Variants in IGSF10 observed in about 807,000 individuals in gnomAD.
IGSF10 encodes calvaria mechanical force protein 608.
IGSF10 carries 126 observed loss-of-function variants against 128.2 expected under a neutral mutation model. The ratio of observed to expected loss-of-function variants is 0.98; its 90% CI spans 0.85 to 1.14. The LOEUF (loss-of-function observed/expected upper bound fraction) is 1.14, where lower values mean the gene tolerates loss of function less well. Among genes scored for constraint, IGSF10 ranks in the 50% most tolerant of loss-of-function variants. The pLI is 0.00. For synonymous variants in IGSF10, 1,185 were observed against 1,146.2 expected, an observed-to-expected ratio of 1.03 and a Z score of -0.68; for missense variants, 3,295 against 3,149.8, an observed-to-expected ratio of 1.05 and a Z score of -1.10.
At chr3:151,588,386 T>G in the IGSF10 span, among the ~76,000 whole-genome samples, 2 of 152,120 alleles carry the variant, frequency 1.3e-5, no homozygotes, top group Admixed American at 1.3e-4. Context: ...CCCCTCTAGC[T>G]GATTGTCTGC....
chr3:151,540,168 TAAAC>T, the IGSF10 span, among the ~76,000 whole-genome samples: 1 of 152,122 alleles, frequency 6.6e-6, no homozygotes, highest in African/African-American at 2.4e-5. Flanking sequence ...AAGTATGAAA[TAAAC>T]ACAGAAAAGC....
At position 151,458,545 on chromosome 3, in the gene IGSF10, G is replaced by A. The variant is rs138198267; in HGVS notation, c.165C>T (p.Ile55=). The A allele has an allele frequency of 3.5e-5, 57 of 1,613,920 alleles. No homozygotes were observed. Among genetic ancestry groups the A allele is most frequent in the Non-Finnish European group, 4.5e-5 (53 of 1,180,002 alleles). Residue 55 remains isoleucine (I), a synonymous_variant, in exon 3 of 8, where the codon ATC becomes ATT. Transcript: ENST00000282466. ...AATTGATGCGTTCCACATTGGGCGG[G>A]ATGCTGTCTGGGATGGAAGTCAGGT... is the stretch of plus-strand genomic sequence containing the variant. ...FRYLTSIPDS[I]PPNVERINLG...
the IGSF10 span, among the ~76,000 whole-genome samples, chr3:151,551,459 G>T: frequency 1.3e-5 from 2 of 150,636 alleles, no homozygotes; most frequent in Non-Finnish European, 2.9e-5. Context: ...ACGCATTTTT[G>T]ATCTGAGTTC....
chr3:151,501,863 A>C, the IGSF10 span, among the ~76,000 whole-genome samples: 1 of 152,130 alleles, frequency 6.6e-6, no homozygotes, highest in Admixed American at 6.6e-5. Context: ...TTAGTGAAAT[A>C]GCTCTTTTGT....
At chr3:151,571,376 G>A in the IGSF10 span, among the ~76,000 whole-genome samples, 1 of 152,132 alleles carries the variant, frequency 6.6e-6, no homozygotes, top group Non-Finnish European at 1.5e-5. Flanking sequence ...TCTTCCATTT[G>A]TTTGTGTCCT....
chr3:151,588,084 T>C, the IGSF10 span, among the ~76,000 whole-genome samples: 1 of 152,194 alleles, frequency 6.6e-6, no homozygotes, highest in Non-Finnish European at 1.5e-5. Context: ...ATGAAATAAA[T>C]AAATAGTCAA....
intron 4 of IGSF10, among the ~76,000 whole-genome samples, chr3:151,456,052 G>A (rs1238144224): frequency 6.6e-6 from 1 of 152,180 alleles, no homozygotes; most frequent in Non-Finnish European, 1.5e-5. Context: ...CCAACTCAAT[G>A]TTCCTCAACA....
the IGSF10 span, among the ~76,000 whole-genome samples, chr3:151,572,633 T>C: frequency 6.6e-6 from 1 of 152,160 alleles, no homozygotes; most frequent in Middle Eastern, 3.2e-3. Flanking sequence ...GTCTTGCTAG[T>C]GTACTATCTA....
At chr3:151,520,178 A>G in the IGSF10 span, among the ~76,000 whole-genome samples, 1 of 151,786 alleles carries the variant, frequency 6.6e-6, no homozygotes, top group Non-Finnish European at 1.5e-5. Context: ...TTTTATTGAT[A>G]TATTTTGTTG....
chr3:151,575,701 G>A, the IGSF10 span, among the ~76,000 whole-genome samples: 111 of 152,288 alleles, frequency 7.3e-4, no homozygotes, highest in African/African-American at 2.5e-3. Context: ...ATGCCCTACC[G>A]TGCTTCGGCT....
In IGSF10 at chr3:151,438,558, C is replaced by G; in HGVS notation, c.6003G>C (p.Leu2001=). The G allele has an allele frequency of 6.2e-7, 1 of 1,613,722 alleles. No homozygotes were observed. The highest frequency in any genetic ancestry group is 8.5e-7 in the Non-Finnish European group (1 of 1,180,006). ...CTTTTTCTGTTACTGATCCAATAAA[C>G]AGGGATCCATTAGGGTAGACGTGGA... ...SWIHVYPNGS[L]FIGSVTEKDS... is the part of the protein sequence containing the mutation. Residue 2001 remains leucine, a synonymous_variant, in exon 8 of 8, where the codon CTG becomes CTC. Transcript: ENST00000282466.
At chr3:151,571,474 T>C in the IGSF10 span, among the ~76,000 whole-genome samples, 1 of 152,178 alleles carries the variant, frequency 6.6e-6, no homozygotes, top group Non-Finnish European at 1.5e-5. Context: ...TTTATTCTCT[T>C]TGTTGCAATT....
the IGSF10 span, among the ~76,000 whole-genome samples, chr3:151,609,965 A>C: frequency 1.3e-5 from 2 of 152,196 alleles, no homozygotes; most frequent in Admixed American, 1.3e-4. Context: ...ACAAATCTCT[A>C]CATGTACCCC....
chr3:151,616,232 C>T, the IGSF10 span, among the ~76,000 whole-genome samples: 1 of 151,914 alleles, frequency 6.6e-6, no homozygotes, highest in South Asian at 2.1e-4. Flanking sequence ...CTCCCAAAGG[C>T]CTGGGATTAC....
rs765680065 is a variant in IGSF10, at chr3:151,437,728, T to TTGTC, written c.6829_6832dup (p.Asn2278ArgfsTer18). 6.2e-7 allele frequency: 1 copy of TTGTC among 1,614,130 alleles called. No individual in the cohort carries two copies. Among genetic ancestry groups the TTGTC allele is most frequent in the Non-Finnish European group, 8.5e-7 (1 of 1,180,024 alleles). On this transcript the variant is annotated frameshift_variant, in exon 8 of 8. Coordinates refer to ENST00000282466, the MANE Select transcript of IGSF10 (RefSeq NM_178822.5). LOFTEE classifies it low-confidence loss of function (END_TRUNC). ...ATAGTATGGGGCTGTGAGGAAAATA[T>TTGTC]TGTCTGGCATGATCCACATGACTTC...
rs139593877 is a variant in IGSF10 at position 151,446,225 on chromosome 3, G to C, written c.3756C>G (p.Phe1252Leu). ...LPRDKVSPFH[F>L]TTLSTSVMQI... ...GCATCACACTTGTTGAAAGTGTGGT[G>C]AAATGGAAAGGGGAGACTTTGTCTC... Residue 1252 changes from phenylalanine to leucine, a missense_variant, in exon 6 of 8, where the codon TTC becomes TTG. Physicochemically the swap from Phe to Leu is conservative, Grantham distance 22. Transcript: ENST00000282466. 1.6e-5 allele frequency: 26 copies of C among 1,613,702 alleles called. No individual in the cohort carries two copies. The African/African-American group carries it at 2.9e-4, about 18-fold the overall frequency.
chr3:151,554,498 T>C, the IGSF10 span, among the ~76,000 whole-genome samples: 1 of 147,812 alleles, frequency 6.8e-6, no homozygotes, highest in East Asian at 1.9e-4. Context: ...TTCTGTGATT[T>C]TGCCTAACTC....
the IGSF10 span, among the ~76,000 whole-genome samples, chr3:151,526,302 TTTC>T: frequency 9.2e-5 from 14 of 152,076 alleles, no homozygotes; most frequent in Non-Finnish European, 1.3e-4. Flanking sequence ...AGGCCAGACC[TTTC>T]TTCTTGTCAT....
At position 151,446,734 on chromosome 3, in the gene IGSF10, T is replaced by C. The variant is rs1342034222; in HGVS notation, c.3247A>G (p.Ser1083Gly). The C allele has an allele frequency of 6.2e-7, 1 of 1,614,146 alleles. No individual in the cohort carries two copies. The highest frequency in any genetic ancestry group is 2.2e-5 in the East Asian group (1 of 44,880). Residue 1083 changes from serine to glycine, a missense_variant, in exon 6 of 8, where the codon AGT becomes GGT. Physicochemically the swap from Ser to Gly is moderately conservative, Grantham distance 56. Coordinates refer to ENST00000282466, the MANE Select transcript of IGSF10 (RefSeq NM_178822.5). ...TTGGGGAAGGTGATGGGAGCAGCAC[T>C]TGGAAAAGACAATGCTGCTGTGGCA... ...TTATAALSFP[S>G]AAPITFPKAD...
Sources: gnomAD v4.1 joint callset for allele counts (sites outside exome capture counted in the v4.1 genomes callset) on GRCh38, gnomAD v4.1.1 for gene constraint, MANE v1.5 for transcripts, NCBI Gene and HGNC (gene_info 2026-07-23, HGNC 2026-07-21) for gene names.